Variants in VPS8 observed in about 807,000 individuals in gnomAD.
VPS8 encodes the protein VPS8 subunit of CORVET complex.
In VPS8, 129 loss-of-function variants were observed where a neutral mutation model predicts 216.4. The observed-to-expected ratio is 0.60, with a 90% CI of 0.52 to 0.69. The LOEUF is 0.69. Ranked by LOEUF, VPS8 falls within the 30% of genes least tolerant of loss-of-function variation. The probability of loss-of-function intolerance (pLI) is 0.00; values close to 1 mark genes in which losing one functional copy is unlikely to be tolerated. For synonymous variants in VPS8, 571 were observed against 565.4 expected, an observed-to-expected ratio of 1.01 and a Z score of -0.14; for missense variants, 1,531 against 1,683.5, an observed-to-expected ratio of 0.91 and a Z score of 1.59.
chr3:184,829,631 T>C (rs754050544), intron 3 of VPS8, among the ~76,000 whole-genome samples: 16 of 152,248 alleles, frequency 1.1e-4, no homozygotes, highest in African/African-American at 3.4e-4. Flanking sequence ...GGTATTGATA[T>C]ACACTTCCAG....
intron 25 of VPS8, among the ~76,000 whole-genome samples, chr3:184,909,855 A>G (rs895449533): frequency 6.6e-6 from 1 of 152,052 alleles, no homozygotes; most frequent in Non-Finnish European, 1.5e-5. Context: ...TGTGGAGAGT[A>G]TGGGTTCTCC....
chr3:184,952,857 G>A (rs1300185432), intron 36 of VPS8, among the ~76,000 whole-genome samples: 4 of 152,228 alleles, frequency 2.6e-5, no homozygotes, highest in African/African-American at 7.2e-5. Context: ...TTGTGAAACT[G>A]GTGAGCTGTC....
At chr3:184,858,520 T>C (rs997838872) in intron 14 of VPS8, among the ~76,000 whole-genome samples, 29 of 152,232 alleles carry the variant, frequency 1.9e-4, no homozygotes, top group African/African-American at 5.8e-4. Context: ...TTATAGACTT[T>C]TTCTAGATTA....
At chr3:184,902,234 T>G (rs1210755611) in intron 25 of VPS8, among the ~76,000 whole-genome samples, 1 of 151,742 alleles carries the variant, frequency 6.6e-6, no homozygotes, top group South Asian at 2.1e-4. Flanking sequence ...TCCCAGCACT[T>G]TGGGAGGCCC....
intron 1 of VPS8, among the ~76,000 whole-genome samples, chr3:184,821,757 A>T (rs1717644112): frequency 6.6e-6 from 1 of 152,104 alleles, no homozygotes; most frequent in African/African-American, 2.4e-5. Flanking sequence ...CTTAGTGTTT[A>T]GTTAGGTGTG....
intron 2 of VPS8, among the ~76,000 whole-genome samples, chr3:184,825,836 G>A (rs1032636772): frequency 1.3e-5 from 2 of 151,978 alleles, no homozygotes; most frequent in African/African-American, 4.8e-5. Flanking sequence ...GGGAGGTGGA[G>A]GTTGCAGTGA....
chr3:184,969,516 GC>G (rs1748030907), intron 39 of VPS8, among the ~76,000 whole-genome samples: 1 of 131,290 alleles, frequency 7.6e-6, no homozygotes, highest in Admixed American at 9.6e-5. Flanking sequence ...TACAACCTCC[GC>G]CTCCCGGGTT....
chr3:185,019,715 G>A (rs1756377914), intron 45 of VPS8, among the ~76,000 whole-genome samples: 1 of 152,168 alleles, frequency 6.6e-6, no homozygotes, highest in South Asian at 2.1e-4. Flanking sequence ...GGGCGTCATG[G>A]CCATCACGAG....
intron 5 of VPS8, chr3:184,836,467 C>T: frequency 2.8e-6 from 1 of 352,890 alleles, no homozygotes; most frequent in South Asian, 2.2e-5. Context: ...TTAGATAAAT[C>T]TGTTATTTAA....
intron 21 of VPS8, among the ~76,000 whole-genome samples, chr3:184,885,395 A>G (rs553410081): frequency 3.8e-4 from 58 of 152,144 alleles, no homozygotes; most frequent in South Asian, 2.3e-3. Context: ...TCTCCCTCAG[A>G]CTCTTTCCAT....
chr3:184,849,903 A>C, intron 9 of VPS8, 33 bp from the exon 10 acceptor site: 1 of 1,554,116 alleles, frequency 6.4e-7, no homozygotes, highest in South Asian at 1.1e-5. Context: ...AAGAGCAATA[A>C]ATTTGTTTTT....
At position 184,936,429 on chromosome 3, in the gene VPS8, CA is replaced by C. The variant is rs1052248059; in HGVS notation, c.2988+95del. On this transcript the variant is annotated intron_variant, in intron 35 of 47. Coordinates refer to ENST00000625842, the MANE Select transcript of VPS8 (RefSeq NM_001009921.3). ...GAAGTTTTGATTGTAGTGATTTCTT[CA>C]GTTGACATTTATTAGCAGTTTCTAT... 1.1e-4 allele frequency: 129 copies of C among 1,190,604 alleles called. 1 individual carries two copies. In the Admixed American group the frequency reaches 2.8e-3, roughly 26 times the overall value. The allele number at this position is 1,190,604 out of a possible 1,614,324, so 73.8% of individuals were successfully genotyped here.
intron 27 of VPS8, 49 bp from the exon 28 acceptor site, chr3:184,915,306 A>G (rs1226969619): frequency 6.3e-7 from 1 of 1,585,352 alleles, no homozygotes; most frequent in Non-Finnish European, 8.6e-7. Flanking sequence ...CTTCAGCAAG[A>G]TACTTTGTCA....
chr3:184,853,989 G>C lies in VPS8; in HGVS notation c.954G>C (p.Leu318Phe). The change falls in exon 12 of 48, where the codon TTG (leucine) becomes TTC (phenylalanine). Residue 318 changes from leucine (L) to phenylalanine (F), a missense_variant. This residue lies in a region of VPS8 where 1,318 missense variants were observed against 1,468.4 expected (regional missense o/e 0.90). Transcript: ENST00000625842. ...ATCCCATCACACAGTTTTCATTATTGGCCATGGCATCCTTGACAAAAGTAA... is the reference window on the plus strand; with the variant it reads ...ATCCCATCACACAGTTTTCATTATTCGCCATGGCATCCTTGACAAAAGTAA... The part of the protein sequence containing the change: ...KDHPITQFSL[L>F]AMASLTKILV... The C allele has an allele frequency of 6.2e-7, 1 of 1,613,530 alleles. No individual in the cohort carries two copies. Among genetic ancestry groups the C allele is most frequent in the East Asian group, 2.2e-5 (1 of 44,854 alleles).
chr3:184,954,240 G>GA (rs1361856673), intron 36 of VPS8, among the ~76,000 whole-genome samples: 1 of 152,168 alleles, frequency 6.6e-6, no homozygotes, highest in South Asian at 2.1e-4. Flanking sequence ...TGCCCTCCAG[G>GA]ACCCTCCACA....
At chr3:184,977,648 T>C (rs1448060768) in intron 40 of VPS8, among the ~76,000 whole-genome samples, 1 of 151,966 alleles carries the variant, frequency 6.6e-6, no homozygotes, top group Non-Finnish European at 1.5e-5. Context: ...CATAGTTCCC[T>C]AGTTTCATTC....
rs192453203 is a variant in VPS8, at chr3:184,889,243, T to C, written c.1781+3087T>C. Among the ~76,000 whole-genome samples, 239 of 152,328 alleles carry C rather than the reference T, an allele frequency of 1.6e-3. 1 individual carries two copies. Among genetic ancestry groups the C allele is most frequent in the African/African-American group, 5.4e-3 (225 of 41,576 alleles). On this transcript the variant is annotated intron_variant, in intron 22 of 47. Coordinates refer to ENST00000625842, the MANE Select transcript of VPS8 (RefSeq NM_001009921.3). ...TTTATTTTTGTCAACTTCTTTCCTA[T>C]AATTTTTCCTGATTCCTTAGCATGC...
At chr3:184,924,785 C>T (rs768316690) in intron 29 of VPS8, 77 bp from the exon 30 acceptor site, 2 of 1,461,750 alleles carry the variant, frequency 1.4e-6, no homozygotes, top group Non-Finnish European at 1.8e-6. Context: ...GAGGCTATCC[C>T]GTCTTCTAAT....
intron 22 of VPS8, among the ~76,000 whole-genome samples, chr3:184,887,409 CTTT>C (rs140218240): frequency 1.4e-5 from 2 of 147,314 alleles, no homozygotes; most frequent in African/African-American, 2.5e-5. Flanking sequence ...TTTTTTTTTT[CTTT>C]TTTTTTTCCA....
Sources: gnomAD v4.1 joint callset for allele counts (sites outside exome capture counted in the v4.1 genomes callset) on GRCh38, gnomAD v4.1.1 for gene constraint, gnomAD v4.1.1 regional missense constraint, MANE v1.5 for transcripts, NCBI Gene and HGNC (gene_info 2026-07-23, HGNC 2026-07-21) for gene names.